SEL1L2: variants seen among roughly 807,000 people sequenced by gnomAD.
The protein encoded by SEL1L2 is protein sel-1 homolog 2.
In SEL1L2, 89 loss-of-function variants were observed where a neutral mutation model predicts 98.8. The observed-to-expected ratio is 0.90, with a 90% CI of 0.76 to 1.07. SEL1L2 has a LOEUF of 1.07. Among genes scored for constraint, SEL1L2 ranks in the 50% least tolerant of loss-of-function variants. The pLI is 0.00. For synonymous variants in SEL1L2, 262 were observed against 278.5 expected (o/e 0.94, Z 0.59); for missense variants, 788 against 812.0 (o/e 0.97, Z 0.36).
Position 13,872,593 on chromosome 20 carries a change from C to T in SEL1L2, c.1105-2390G>A, listed in dbSNP as rs1458244612. Among the ~76,000 whole-genome samples, 5 of 151,330 alleles carry T rather than the reference C, an allele frequency of 3.3e-5. No homozygotes were observed. The South Asian group carries it at 6.3e-4, about 19-fold the overall frequency. Reference sequence around the variant, plus strand: ...TATGTCTTTATTAGCAATGTGAGAACGGACTAATACAGAAGGGAAGGAAAC... The same window carrying T: ...TATGTCTTTATTAGCAATGTGAGAATGGACTAATACAGAAGGGAAGGAAAC... On this transcript the variant is annotated intron_variant, in intron 12 of 19. Transcript: ENST00000284951.
At chr20:13,939,687 A>G (rs1359967059) in intron 2 of SEL1L2, among the ~76,000 whole-genome samples, 1 of 75,690 alleles carries the variant, frequency 1.3e-5, no homozygotes, top group Non-Finnish European at 2.8e-5. Flanking sequence ...TTTTTTTGAG[A>G]CAGAGTTTTG....
At chr20:13,919,186 A>G in intron 3 of SEL1L2, 63 bp from the exon 4 acceptor site, 1 of 1,032,400 alleles carries the variant, frequency 9.7e-7, no homozygotes. Flanking sequence ...TTTAAAAATA[A>G]TGTGCTAAAG....
chr20:13,948,399 C>A (rs1218185997), intron 2 of SEL1L2, among the ~76,000 whole-genome samples: 1 of 151,970 alleles, frequency 6.6e-6, no homozygotes, highest in East Asian at 1.9e-4. Flanking sequence ...GAGTGCGGCA[C>A]AAAGATAGAC....
rs570603332 is a variant in SEL1L2, at chr20:13,973,686, A to G, written c.58+16791T>C. On this transcript the variant is annotated intron_variant, in intron 1 of 19. Transcript: ENST00000284951. Reference sequence around the variant, plus strand: ...TTTTTGCACTTATTTTTGACTATCTACTGCACACTTTATTAGAGTGGATTC... The same window carrying G: ...TTTTTGCACTTATTTTTGACTATCTGCTGCACACTTTATTAGAGTGGATTC... 1.4e-4 allele frequency among the ~76,000 whole-genome samples: 22 copies of G among 152,298 alleles called. No individual in the cohort carries two copies. In the East Asian group the frequency reaches 3.9e-3, roughly 27 times the overall value.
At chr20:13,898,772 C>T (rs2047529822) in intron 5 of SEL1L2, among the ~76,000 whole-genome samples, 1 of 152,152 alleles carries the variant, frequency 6.6e-6, no homozygotes, top group East Asian at 1.9e-4. Flanking sequence ...GACAGAGTCT[C>T]GCCCTTGTCA....
chr20:13,881,463 G>A lies in SEL1L2; in HGVS notation c.958-3875C>T, dbSNP rs528889217. ...CCTCTGCTAGGTTTAATTTAATTACGCTTTATCCATTTTAATAATATTCAC... is the reference window on the plus strand; with the variant it reads ...CCTCTGCTAGGTTTAATTTAATTACACTTTATCCATTTTAATAATATTCAC... On this transcript the variant is annotated intron_variant, in intron 10 of 19. Transcript: ENST00000284951. 5.3e-5 allele frequency among the ~76,000 whole-genome samples: 8 copies of A among 152,200 alleles called. No individual in the cohort carries two copies. The East Asian group carries it at 1.3e-3, about 26-fold the overall frequency.
chr20:13,977,353 G>A (rs2051590773), intron 1 of SEL1L2, among the ~76,000 whole-genome samples: 1 of 152,160 alleles, frequency 6.6e-6, no homozygotes, highest in South Asian at 2.1e-4. Flanking sequence ...GCTATACAGA[G>A]GAAGAGGGAA....
At chr20:13,894,965 C>T (rs930936536) in intron 5 of SEL1L2, among the ~76,000 whole-genome samples, 20 of 152,206 alleles carry the variant, frequency 1.3e-4, no homozygotes, top group African/African-American at 4.3e-4. Context: ...TCCATGAGGC[C>T]AGCATTATCC....
At chr20:13,964,069 G>C (rs1426708083) in intron 1 of SEL1L2, among the ~76,000 whole-genome samples, 2 of 151,762 alleles carry the variant, frequency 1.3e-5, no homozygotes, top group African/African-American at 4.8e-5. Context: ...ACAGATGGGG[G>C]TTCACCATGT....
intron 1 of SEL1L2, among the ~76,000 whole-genome samples, chr20:13,966,781 T>C (rs1193442318): frequency 6.6e-6 from 1 of 152,090 alleles, no homozygotes; most frequent in Non-Finnish European, 1.5e-5. Flanking sequence ...GAAGACAGAA[T>C]AGAATCAAAG....
At position 13,956,104 on chromosome 20, in the gene SEL1L2, C is replaced by G; in HGVS notation, c.86G>C (p.Arg29Thr). The G allele has an allele frequency of 6.4e-7, 1 of 1,562,464 alleles. No individual in the cohort carries two copies. Among genetic ancestry groups the G allele is most frequent in the South Asian group, 1.2e-5 (1 of 84,014 alleles). The change falls in exon 2 of 20, where the codon AGA (arginine) becomes ACA (threonine). Residue 29 changes from arginine (R) to threonine (T), a missense_variant. Transcript: ENST00000284951. ...TGTGGTGACATTTCTTTCCTTTTGTCTTTTATTATGTTCCTCTGCTTTGAT... is the reference window on the plus strand; with the variant it reads ...TGTGGTGACATTTCTTTCCTTTTGTGTTTTATTATGTTCCTCTGCTTTGAT... Reference protein sequence around the residue: ...KTIKAEEHNKRQKERNVTTQV... With the variant: ...KTIKAEEHNKTQKERNVTTQV...
At chr20:13,902,989 G>A (rs940605996) in intron 5 of SEL1L2, among the ~76,000 whole-genome samples, 6 of 151,818 alleles carry the variant, frequency 4.0e-5, no homozygotes, top group African/African-American at 1.5e-4. Flanking sequence ...ACTGGTAGCG[G>A]GGGCTGTAGT....
At chr20:13,938,087 T>TCTTTTC (rs147714567) in intron 2 of SEL1L2, among the ~76,000 whole-genome samples, 7 of 150,692 alleles carry the variant, frequency 4.6e-5, no homozygotes, top group Non-Finnish European at 8.9e-5. Context: ...TCTTTTCTTT[T>TCTTTTC]TTTTTTTTTT....
At chr20:13,986,577 AT>A (rs982357112) in intron 1 of SEL1L2, among the ~76,000 whole-genome samples, 67 of 152,236 alleles carry the variant, frequency 4.4e-4, no homozygotes, top group African/African-American at 1.6e-3. Context: ...TGAGCACTTC[AT>A]TTTTTTATGG....
At chr20:13,961,718 C>T (rs1267007657) in intron 1 of SEL1L2, among the ~76,000 whole-genome samples, 1 of 152,162 alleles carries the variant, frequency 6.6e-6, no homozygotes, top group Non-Finnish European at 1.5e-5. Flanking sequence ...GAGCCAAGCC[C>T]AGAGGGTATT....
chr20:13,865,571 C>G, intron 15 of SEL1L2, 57 bp from the exon 16 acceptor site: 1 of 1,456,150 alleles, frequency 6.9e-7, no homozygotes, highest in Non-Finnish European at 9.4e-7. Flanking sequence ...TCACCCCAGG[C>G]AAATGAGAAA....
chr20:13,915,162 C>T (rs1334719518), intron 4 of SEL1L2: 7 of 1,289,596 alleles, frequency 5.4e-6, no homozygotes, highest in Non-Finnish European at 7.1e-6. Context: ...AAATAAGCTG[C>T]TCTTGGGCAG....
chr20:13,905,458 C>A lies in SEL1L2; in HGVS notation c.549+8324G>T, dbSNP rs1043990214. Among the ~76,000 whole-genome samples the A allele has an allele frequency of 2.6e-5, 4 of 152,030 alleles. No homozygotes were observed. The South Asian group carries it at 6.2e-4, about 24-fold the overall frequency. On this transcript the variant is annotated intron_variant, in intron 5 of 19. Transcript: ENST00000284951. ...CCTGAGTAGCTGGGAGTACAGGCAC[C>A]AACCACCATGCCCGGCTAATTTTTT...
intron 18 of SEL1L2, among the ~76,000 whole-genome samples, chr20:13,855,763 C>T (rs560813702): frequency 6.6e-6 from 1 of 152,360 alleles, no homozygotes; most frequent in South Asian, 2.1e-4. Flanking sequence ...TTCTTGGCTG[C>T]CTTAGCCCAG....
Sources: allele counts gnomAD v4.1 joint callset (sites outside exome capture counted in the v4.1 genomes callset), GRCh38; gene constraint gnomAD v4.1.1; transcripts MANE v1.5; gene names NCBI Gene and HGNC (gene_info 2026-07-23, HGNC 2026-07-21).